The following ABI3BP variants were observed in gnomAD, a reference collection of about 807,000 sequenced individuals.
ABI3BP encodes the protein target of Nesh-SH3.
A neutral mutation model predicts 268.6 loss-of-function variants in ABI3BP; 216 were observed. That is an observed-to-expected ratio of 0.80 (90% CI 0.72 to 0.90). The LOEUF is 0.90. Among genes scored for constraint, ABI3BP ranks in the 40% least tolerant of loss-of-function variants. The pLI is 0.00. For missense variants in ABI3BP, 2,090 were observed against 2,182.4 expected (o/e 0.96, Z 0.84); for synonymous variants, 730 against 730.0 (o/e 1.00, Z 0.00).
At chr3:100,751,093 G>A (rs1226074397) in intron 67 of ABI3BP, among the ~76,000 whole-genome samples, 1 of 151,878 alleles carries the variant, frequency 6.6e-6, no homozygotes, top group Admixed American at 6.6e-5. Context: ...GGTGCCAATG[G>A]GTCTTTAGCA....
At chr3:100,855,303 G>T (rs1455350748) in intron 14 of ABI3BP, among the ~76,000 whole-genome samples, 1 of 152,156 alleles carries the variant, frequency 6.6e-6, no homozygotes, top group African/African-American at 2.4e-5. Flanking sequence ...CAATAAAAAT[G>T]CCCTGATACT....
chr3:100,804,894 C>T (rs754490617), intron 50 of ABI3BP, 28 bp from the exon 51 acceptor site: 1 of 1,592,372 alleles, frequency 6.3e-7, no homozygotes, highest in South Asian at 1.1e-5. Context: ...TATTGTAAGT[C>T]ATTTGGTTTC....
chr3:100,936,210 C>T (rs900598881), intron 1 of ABI3BP, among the ~76,000 whole-genome samples: 2 of 152,060 alleles, frequency 1.3e-5, no homozygotes, highest in Non-Finnish European at 2.9e-5. Context: ...TGTTGAAGGC[C>T]TTTTCTGCAT....
chr3:100,897,402 A>T (rs1019855624), intron 4 of ABI3BP, among the ~76,000 whole-genome samples: 3 of 119,442 alleles, frequency 2.5e-5, no homozygotes, highest in South Asian at 2.4e-4. Flanking sequence ...TCATATACAT[A>T]AAAAAAAACA....
intron 54 of ABI3BP, 148 bp downstream of exon 54, chr3:100,794,773 TAC>T: frequency 1.6e-6 from 1 of 615,940 alleles, no homozygotes; most frequent in Non-Finnish European, 2.9e-6. Context: ...TTAGGACAAA[TAC>T]ACAGTTAATG....
At chr3:100,910,271 C>A (rs2055735362) in intron 2 of ABI3BP, among the ~76,000 whole-genome samples, 1 of 151,922 alleles carries the variant, frequency 6.6e-6, no homozygotes, top group African/African-American at 2.4e-5. Context: ...AAGTCGGGGG[C>A]AGGAGGAGGG....
chr3:100,816,812 G>A lies in ABI3BP; in HGVS notation c.3149-44C>T, dbSNP rs1221821138. On this transcript the variant is annotated intron_variant, in intron 42 of 67. Transcript: ENST00000471714. ...GATTACTCTAGTGCAGGTGGCTTTG[G>A]AGACAAAACTTTAGGTTTTTAAAGG... The A allele has an allele frequency of 2.7e-6, 4 of 1,457,740 alleles. No individual in the cohort carries two copies. The Admixed American group carries it at 8.0e-5, about 29-fold the overall frequency. 90.3% of individuals were successfully genotyped at this position (1,457,740 alleles called of 1,614,324 possible). A position where few individuals can be genotyped will look rare whatever the true frequency, so the allele number is the denominator to read the frequency against.
In ABI3BP at chr3:100,749,400, T is replaced by TTGA. The variant is rs1438013021; in HGVS notation, c.*1092_*1094dup. The TTGA allele has an allele frequency of 1.3e-5, 5 of 371,394 alleles. No homozygotes were observed. The East Asian group carries it at 1.9e-4, about 14-fold the overall frequency. 23.0% of individuals were successfully genotyped at this position (371,394 alleles called of 1,614,324 possible). A position where few individuals can be genotyped will look rare whatever the true frequency, so the allele number is the denominator to read the frequency against. On this transcript the variant is annotated 3_prime_UTR_variant, in exon 68 of 68. Coordinates refer to ENST00000471714, the MANE Select transcript of ABI3BP (RefSeq NM_001375547.2). ...TGTTTGAAAAATACAAAATGTAGCG[T>TTGA]TGATAAGATTGAAGCATGTTGAAAG... is the stretch of plus-strand genomic sequence containing the variant.
intron 20 of ABI3BP, chr3:100,843,589 T>C: frequency 1.0e-6 from 1 of 981,864 alleles, no homozygotes; most frequent in Non-Finnish European, 1.2e-6. Context: ...AGAAAGAGTG[T>C]CTGGGAGATG....
At chr3:100,793,484 T>C (rs1296976305) in intron 54 of ABI3BP, among the ~76,000 whole-genome samples, 4 of 152,028 alleles carry the variant, frequency 2.6e-5, no homozygotes, top group African/African-American at 9.7e-5. Context: ...TGACAGGCAA[T>C]GGTTCTGATG....
chr3:100,923,943 A>T (rs1165843665), intron 2 of ABI3BP, among the ~76,000 whole-genome samples: 2 of 152,182 alleles, frequency 1.3e-5, no homozygotes, highest in Non-Finnish European at 2.9e-5. Context: ...TAAATGGGAC[A>T]GGCAGCCATT....
chr3:100,891,575 G>A (rs1003428197), intron 4 of ABI3BP, among the ~76,000 whole-genome samples: 11 of 152,306 alleles, frequency 7.2e-5, no homozygotes, highest in Middle Eastern at 3.4e-3. Context: ...TGATAATAGA[G>A]CAGAGTTTTG....
chr3:100,829,362 C>A (rs894248162), intron 33 of ABI3BP, among the ~76,000 whole-genome samples: 4 of 152,056 alleles, frequency 2.6e-5, no homozygotes, highest in African/African-American at 9.7e-5. Flanking sequence ...ATCATATATT[C>A]AACATTGAAA....
chr3:100,832,416 T>C (rs1002299859), intron 30 of ABI3BP, 66 bp from the exon 31 acceptor site: 6 of 1,380,262 alleles, frequency 4.3e-6, no homozygotes, highest in Non-Finnish European at 2.0e-6. Context: ...TAGGATGACA[T>C]AGCTCTAAGT....
At chr3:100,928,579 A>G (rs1202724341) in intron 1 of ABI3BP, among the ~76,000 whole-genome samples, 1 of 152,108 alleles carries the variant, frequency 6.6e-6, no homozygotes. Context: ...TGTGCATAGT[A>G]GTTTTTACTT....
At chr3:100,822,458 C>A in intron 38 of ABI3BP, 131 bp downstream of exon 38, 2 of 698,644 alleles carry the variant, frequency 2.9e-6, no homozygotes, top group Non-Finnish European at 2.4e-6. Flanking sequence ...ACAGTGGGAT[C>A]TGCTGCTAAC....
chr3:100,967,874 G>A (rs781042719), intron 1 of ABI3BP, among the ~76,000 whole-genome samples: 2 of 151,984 alleles, frequency 1.3e-5, no homozygotes, highest in Non-Finnish European at 2.9e-5. Flanking sequence ...TGCTCACAAG[G>A]GGCACAGAAA....
intron 39 of ABI3BP, 111 bp from the exon 40 acceptor site, chr3:100,820,414 G>A: frequency 3.6e-6 from 3 of 840,830 alleles, no homozygotes; most frequent in South Asian, 2.4e-5. Flanking sequence ...TCATATTTCA[G>A]GAAATTTGTC....
intron 6 of ABI3BP, among the ~76,000 whole-genome samples, chr3:100,879,270 A>G (rs763740091): frequency 3.9e-5 from 6 of 152,108 alleles, no homozygotes; most frequent in Non-Finnish European, 5.9e-5. Flanking sequence ...CTTCAACTAC[A>G]TGGGAGCTGC....
Sources: allele counts gnomAD v4.1 joint callset (sites outside exome capture counted in the v4.1 genomes callset), GRCh38; gene constraint gnomAD v4.1.1; transcripts MANE v1.5; gene names NCBI Gene and HGNC (gene_info 2026-07-23, HGNC 2026-07-21).